RAB31: variants seen among roughly 807,000 people sequenced by gnomAD.
RAB31 encodes the protein RAB31, member RAS oncogene family, also known as ras-related protein Rab-31.
Under a neutral mutation model 25.6 loss-of-function variants are expected in RAB31, and 21 were observed. That is an observed-to-expected ratio of 0.82 (90% confidence interval 0.58 to 1.18). The LOEUF is 1.18. RAB31 is among the 50% of genes most tolerant of loss of function. The pLI is 0.00. For missense variants in RAB31, 196 were observed against 250.1 expected (o/e 0.78, Z 1.46); for synonymous variants, 87 against 84.0 (o/e 1.04, Z -0.20).
At position 9,753,985 on chromosome 18, in the gene RAB31, G is replaced by A. The variant is rs1461775531; in HGVS notation, c.40-21293G>A. On this transcript the variant is annotated intron_variant, in intron 1 of 6. Coordinates refer to ENST00000578921, the MANE Select transcript of RAB31 (RefSeq NM_006868.4). The stretch of plus-strand genomic sequence containing the variant: ...CGTAAGGAATCTTTTCCAAGCCCGA[G>A]AAAAACTATCCGGTGCCAAGTGCAT... 2.6e-5 allele frequency among the ~76,000 whole-genome samples: 4 copies of A among 152,172 alleles called. No individual in the cohort carries two copies. In the East Asian group the frequency reaches 7.7e-4, roughly 29 times the overall value.
intron 1 of RAB31, among the ~76,000 whole-genome samples, chr18:9,740,649 G>C (rs1185912000): frequency 2.0e-5 from 3 of 151,940 alleles, no homozygotes; most frequent in Non-Finnish European, 4.4e-5. Flanking sequence ...GGAGGTGGAG[G>C]TTGCAGTGAG....
chr18:9,846,327 C>T (rs1414856785), intron 6 of RAB31, among the ~76,000 whole-genome samples: 2 of 152,218 alleles, frequency 1.3e-5, no homozygotes, highest in African/African-American at 4.8e-5. Flanking sequence ...TCTGCCAACA[C>T]ATCTATCTGC....
chr18:9,799,766 G>T (rs971891196), intron 3 of RAB31, among the ~76,000 whole-genome samples: 1 of 152,118 alleles, frequency 6.6e-6, no homozygotes, highest in African/African-American at 2.4e-5. Flanking sequence ...AATTCATAGG[G>T]TGCATCTATT....
At chr18:9,798,788 T>TA (rs11285866) in intron 3 of RAB31, among the ~76,000 whole-genome samples, 82,927 of 144,830 alleles carry the variant, frequency 0.57, 23,823 homozygotes, top group East Asian at 0.74. Context: ...GCAGCTAATT[T>TA]AAAAAAAAAA....
chr18:9,796,119 C>A (rs1339405838), intron 3 of RAB31, among the ~76,000 whole-genome samples: 1 of 152,118 alleles, frequency 6.6e-6, no homozygotes, highest in Non-Finnish European at 1.5e-5. Context: ...GACCATTATT[C>A]TAAATGAAGT....
In RAB31 at chr18:9,724,769, C is replaced by T. The variant is rs188521252; in HGVS notation, c.39+16325C>T. ...CTAGTGTTTGAAAAAGGTAATAGCC[C>T]CATAATCCTAAGCACGTAGACTTGT... On this transcript the variant is annotated intron_variant, in intron 1 of 6. Transcript: ENST00000578921. 3.3e-5 allele frequency among the ~76,000 whole-genome samples: 5 copies of T among 152,260 alleles called. No individual in the cohort carries two copies. In the East Asian group the frequency reaches 9.6e-4, roughly 29 times the overall value.
intron 2 of RAB31, among the ~76,000 whole-genome samples, chr18:9,789,418 AAGGTG>A (rs2068449038): frequency 1.3e-5 from 2 of 152,246 alleles, no homozygotes; most frequent in Admixed American, 1.3e-4. Context: ...ATAAATGTTC[AAGGTG>A]ATGAATATGC....
chr18:9,853,946 T>C (rs2068801995), intron 6 of RAB31, among the ~76,000 whole-genome samples: 1 of 118,256 alleles, frequency 8.5e-6, no homozygotes, highest in African/African-American at 2.6e-5. Flanking sequence ...TTTTCTTTTT[T>C]TCTTTTCTTT....
chr18:9,790,227 T>G (rs960383737), intron 2 of RAB31, among the ~76,000 whole-genome samples: 2 of 152,012 alleles, frequency 1.3e-5, no homozygotes, highest in Non-Finnish European at 2.9e-5. Context: ...AATATCTTTT[T>G]GTGGGGGTAG....
At chr18:9,818,787 C>G (rs986078706) in intron 5 of RAB31, among the ~76,000 whole-genome samples, 2 of 152,162 alleles carry the variant, frequency 1.3e-5, no homozygotes, top group Non-Finnish European at 2.9e-5. Flanking sequence ...TGCAAGATAT[C>G]CACATCCTCA....
intron 1 of RAB31, chr18:9,722,705 C>T (rs1431359640): frequency 6.6e-6 from 1 of 152,124 alleles, no homozygotes; most frequent in African/African-American, 2.4e-5. Flanking sequence ...CTTAAAGGGG[C>T]CTGAGAAACC....
chr18:9,845,219 G>A (rs2068755168), intron 5 of RAB31, among the ~76,000 whole-genome samples: 1 of 152,122 alleles, frequency 6.6e-6, no homozygotes, highest in Non-Finnish European at 1.5e-5. Context: ...TACTAACAGA[G>A]GTTTGGTGTT....
intron 2 of RAB31, among the ~76,000 whole-genome samples, chr18:9,780,722 G>A (rs775768888): frequency 8.5e-5 from 13 of 152,154 alleles, no homozygotes; most frequent in Non-Finnish European, 1.8e-4. Context: ...CCTGAAGTCG[G>A]GAGTTCAAGA....
At chr18:9,837,965 C>T (rs933063053) in intron 5 of RAB31, among the ~76,000 whole-genome samples, 9 of 152,166 alleles carry the variant, frequency 5.9e-5, no homozygotes, top group Non-Finnish European at 1.3e-4. Context: ...TTCTTCTACT[C>T]GCATCATTTC....
chr18:9,841,538 CAA>C (rs56283904), intron 5 of RAB31, among the ~76,000 whole-genome samples: 1,719 of 100,828 alleles, frequency 0.017, 28 homozygotes, highest in African/African-American at 0.058. Context: ...GACTCTGTCT[CAA>C]AAAAAAAAAA....
chr18:9,774,341 A>G (rs889356333), intron 1 of RAB31, among the ~76,000 whole-genome samples: 4 of 152,126 alleles, frequency 2.6e-5, no homozygotes, highest in African/African-American at 9.7e-5. Flanking sequence ...CCTGGAGAGT[A>G]AAGCTCTGAC....
chr18:9,791,658 A>G (rs2068460783), intron 2 of RAB31, among the ~76,000 whole-genome samples: 1 of 152,042 alleles, frequency 6.6e-6, no homozygotes, highest in Admixed American at 6.5e-5. Context: ...CCATGGTGCC[A>G]TCTTGGCTCA....
intron 5 of RAB31, among the ~76,000 whole-genome samples, chr18:9,831,315 C>T (rs2068677328): frequency 6.6e-6 from 1 of 152,190 alleles, no homozygotes; most frequent in Non-Finnish European, 1.5e-5. Flanking sequence ...TTTCTGTTGG[C>T]TCCCCTGTCC....
intron 3 of RAB31, among the ~76,000 whole-genome samples, chr18:9,809,614 A>C (rs2068560502): frequency 1.3e-5 from 2 of 152,260 alleles, no homozygotes; most frequent in South Asian, 4.1e-4. Flanking sequence ...GTCTTGCCTC[A>C]TGTGCCATTT....
Sources: gnomAD v4.1 joint callset for allele counts (sites outside exome capture counted in the v4.1 genomes callset) on GRCh38, gnomAD v4.1.1 for gene constraint, MANE v1.5 for transcripts, NCBI Gene and HGNC (gene_info 2026-07-23, HGNC 2026-07-21) for gene names.